Variants in ATRX observed in about 807,000 individuals in gnomAD.
ATRX encodes the protein ATRX chromatin remodeler.
A neutral mutation model predicts 172.6 loss-of-function variants in ATRX; 12 were observed. The observed-to-expected ratio is 0.07, with a 90% CI of 0.04 to 0.11. The LOEUF is 0.11. Among genes scored for constraint, ATRX ranks in the 10% least tolerant of loss-of-function variants. The probability of loss-of-function intolerance (pLI) is 1.00; values close to 1 mark genes in which losing one functional copy is unlikely to be tolerated. For synonymous variants in ATRX, 674 were observed against 594.7 expected, an observed-to-expected ratio of 1.13 and a Z score of -1.94; for missense variants, 1,368 against 1,767.4, an observed-to-expected ratio of 0.77 and a Z score of 4.05.
chrX:77,774,463 G>A (rs1342858608), intron 1 of ATRX, among the ~76,000 whole-genome samples: 1 of 111,200 alleles, frequency 9.0e-6, no homozygotes, highest in Non-Finnish European at 1.9e-5. Context: ...GGATCATGAG[G>A]TCAGGAGATC....
Position 77,506,417 on chromosome X carries a change from G to A in ATRX, c.*1934C>T. The A allele has an allele frequency of 5.7e-6, 1 of 174,432 alleles. No individual in the cohort carries two copies. The highest frequency in any genetic ancestry group is 8.2e-5 in the East Asian group (1 of 12,249). The allele number at this position is 174,432 out of a possible 1,213,427, so 14.4% of individuals were successfully genotyped here. A position where few individuals can be genotyped will look rare whatever the true frequency, so the allele number is the denominator to read the frequency against. On this transcript the variant is annotated 3_prime_UTR_variant, in exon 35 of 35. Coordinates refer to ENST00000373344, the MANE Select transcript of ATRX (RefSeq NM_000489.6). ...CATGGTGAAAAAGATTTAGAAGGTT[G>A]CCTAAAATTTTCACATCTATGTCTT...
At chrX:77,521,324 T>C in intron 33 of ATRX, 79 bp downstream of exon 33, 4 of 779,887 alleles carry the variant, frequency 5.1e-6, no homozygotes, top group Non-Finnish European at 7.8e-6. Context: ...AAGGAACAAT[T>C]AAAAATTTAA....
intron 1 of ATRX, among the ~76,000 whole-genome samples, chrX:77,743,250 C>T (rs1270912877): frequency 9.0e-6 from 1 of 111,243 alleles, no homozygotes; most frequent in Non-Finnish European, 1.9e-5. Context: ...GGAACTCCGC[C>T]TGGACTGGGG....
chrX:77,750,714 G>A (rs184356640), intron 1 of ATRX, among the ~76,000 whole-genome samples: 21 of 106,793 alleles, frequency 2.0e-4, no homozygotes, highest in Non-Finnish European at 3.3e-4. Context: ...AATGTGTAAC[G>A]TTCCCCTCCC....
At chrX:77,670,572 T>C (rs970867422) in intron 10 of ATRX, among the ~76,000 whole-genome samples, 3 of 109,918 alleles carry the variant, frequency 2.7e-5, no homozygotes, top group South Asian at 3.9e-4. Context: ...CTGGCCAACA[T>C]TGCAAAACCC....
rs1479098146 is a variant in ATRX, at chrX:77,505,986, C to A, written c.*2365G>T. 3 of 168,577 alleles carry A rather than the reference C, an allele frequency of 1.8e-5. No homozygotes were observed. The highest frequency in any genetic ancestry group is 3.4e-5 in the Non-Finnish European group (3 of 87,787). The allele number at this position is 168,577 out of a possible 1,213,427, so 13.9% of individuals were successfully genotyped here. ...AGCTGTATGATTTCAGCAGCCAAAG[C>A]TGGATGATGGACTGAAACATTACTA... On this transcript the variant is annotated 3_prime_UTR_variant, in exon 35 of 35. Coordinates refer to ENST00000373344, the MANE Select transcript of ATRX (RefSeq NM_000489.6).
intron 28 of ATRX, among the ~76,000 whole-genome samples, chrX:77,572,407 C>A (rs1453347323): frequency 1.8e-5 from 2 of 111,313 alleles, no homozygotes; most frequent in African/African-American, 6.5e-5. Context: ...GGGTCCCTAG[C>A]ACCCCCAAGC....
chrX:77,660,604 T>A (rs1225300409), intron 12 of ATRX, among the ~76,000 whole-genome samples: 1 of 109,046 alleles, frequency 9.2e-6, no homozygotes, highest in Non-Finnish European at 1.9e-5. Flanking sequence ...AATAAAAAAA[T>A]AATAATAATA....
At chrX:77,763,830 T>C (rs566031146) in intron 1 of ATRX, among the ~76,000 whole-genome samples, 3 of 110,844 alleles carry the variant, frequency 2.7e-5, no homozygotes, top group African/African-American at 9.8e-5. Context: ...AAAAGTCAAA[T>C]AGCCTGGGCG....
chrX:77,755,833 G>A (rs782652387), intron 1 of ATRX, among the ~76,000 whole-genome samples: 72 of 112,145 alleles, frequency 6.4e-4, no homozygotes, highest in Non-Finnish European at 4.3e-4. Context: ...TGAGGAGGCA[G>A]TCTGTCCCCT....
rs782134482 is a variant in ATRX at position 77,783,226 on chromosome X, C to G, written c.20+2756G>C. On this transcript the variant is annotated intron_variant, in intron 1 of 34. Coordinates refer to ENST00000373344, the MANE Select transcript of ATRX (RefSeq NM_000489.6). Reference sequence around the variant, plus strand: ...CTCCAGCCTGGGCAACAAAGTGAGACTCTGTCTCAAAAAAATAAATTTAAA... The same window carrying G: ...CTCCAGCCTGGGCAACAAAGTGAGAGTCTGTCTCAAAAAAATAAATTTAAA... Among the ~76,000 whole-genome samples, 7 of 111,781 alleles carry G rather than the reference C, an allele frequency of 6.3e-5. No homozygotes were observed. In the South Asian group the frequency reaches 2.6e-3, roughly 42 times the overall value.
At chrX:77,552,877 A>C (rs781980840) in intron 30 of ATRX, among the ~76,000 whole-genome samples, 2 of 111,560 alleles carry the variant, frequency 1.8e-5, no homozygotes, top group Non-Finnish European at 3.8e-5. Flanking sequence ...GTAAGTTAAA[A>C]AGAAGTGCTT....
chrX:77,541,332 C>T (rs1305033642), intron 30 of ATRX, among the ~76,000 whole-genome samples: 1 of 111,487 alleles, frequency 9.0e-6, no homozygotes, highest in Non-Finnish European at 1.9e-5. Context: ...ATTAATAGCC[C>T]ACAAACAAAA....
At chrX:77,633,759 A>T (rs2068217527) in intron 17 of ATRX, 47 bp from the exon 18 acceptor site, 23 of 1,130,654 alleles carry the variant, frequency 2.0e-5, no homozygotes, top group Non-Finnish European at 2.6e-5. Flanking sequence ...CCACAAAAAA[A>T]TTTAATAAAT....
chrX:77,542,262 A>T (rs1464147727), intron 30 of ATRX, among the ~76,000 whole-genome samples: 1 of 111,930 alleles, frequency 8.9e-6, no homozygotes, highest in Non-Finnish European at 1.9e-5. Flanking sequence ...CTTACAAGGG[A>T]TGTGAAAGAC....
chrX:77,767,795 A>G (rs1374847406), intron 1 of ATRX, among the ~76,000 whole-genome samples: 1 of 111,623 alleles, frequency 9.0e-6, no homozygotes, highest in Admixed American at 9.5e-5. Flanking sequence ...TTTTATTCAC[A>G]CTATCTTCGG....
intron 10 of ATRX, 78 bp downstream of exon 10, chrX:77,676,148 C>T (rs181868832): frequency 6.2e-5 from 60 of 963,304 alleles, no homozygotes; most frequent in Non-Finnish European, 7.8e-5. Context: ...AACCTGCTTG[C>T]TGTTCCGTTG....
chrX:77,662,023 T>TTCACAAA (rs1237609775), intron 12 of ATRX, among the ~76,000 whole-genome samples: 21 of 111,815 alleles, frequency 1.9e-4, no homozygotes, highest in Non-Finnish European at 3.4e-4. Context: ...CACAACAATC[T>TTCACAAA]ACGTGCTCCC....
At chrX:77,746,944 G>T (rs2075105906) in intron 1 of ATRX, among the ~76,000 whole-genome samples, 1 of 110,241 alleles carries the variant, frequency 9.1e-6, no homozygotes, top group Non-Finnish European at 1.9e-5. Flanking sequence ...GAGACTACAG[G>T]CGCACACCAC....
Sources: gnomAD v4.1 joint callset for allele counts (sites outside exome capture counted in the v4.1 genomes callset) on GRCh38, gnomAD v4.1.1 for gene constraint, MANE v1.5 for transcripts, NCBI Gene and HGNC (gene_info 2026-07-23, HGNC 2026-07-21) for gene names.